SLC30A8: variants seen among roughly 807,000 people sequenced by gnomAD.
SLC30A8 encodes the protein proton-coupled zinc antiporter SLC30A8.
In SLC30A8, 27 loss-of-function variants were observed where a neutral mutation model predicts 36.9. The ratio of observed to expected loss-of-function variants is 0.73; its 90% confidence interval spans 0.54 to 1.01. SLC30A8 has a LOEUF of 1.01. SLC30A8 is among the 50% of genes least tolerant of loss of function. SLC30A8 has a pLI of 0.00. For missense variants in SLC30A8, 439 were observed against 452.0 expected (o/e 0.97, Z 0.26); for synonymous variants, 164 against 172.4 (o/e 0.95, Z 0.38).
chr8:117,016,006 C>T (rs146343656), intron 1 of SLC30A8, among the ~76,000 whole-genome samples: 16 of 152,128 alleles, frequency 1.1e-4, no homozygotes, highest in African/African-American at 3.4e-4. Context: ...CAATGGAATG[C>T]GCTTGAATAA....
intron 2 of SLC30A8, among the ~76,000 whole-genome samples, chr8:117,150,146 C>T (rs1359668108): frequency 6.6e-6 from 1 of 152,124 alleles, no homozygotes; most frequent in Non-Finnish European, 1.5e-5. Context: ...TGTTGTTGTA[C>T]TTGTTAAGTA....
At chr8:117,061,640 G>A (rs896242347) in intron 2 of SLC30A8, among the ~76,000 whole-genome samples, 23 of 152,144 alleles carry the variant, frequency 1.5e-4, no homozygotes, top group African/African-American at 5.3e-4. Flanking sequence ...GTAATGTCCA[G>A]CACAATCCTT....
At position 117,007,749 on chromosome 8, in the gene SLC30A8, A is replaced by C. The variant is rs547173262; in HGVS notation, c.-265-31470A>C. Among the ~76,000 whole-genome samples the C allele has an allele frequency of 2.6e-5, 4 of 152,356 alleles. No homozygotes were observed. In the South Asian group the frequency reaches 6.2e-4, roughly 24 times the overall value. ...GGAAACTAAGGCATAGAGAGATTAAATAACTTGTGTAAGGGCACACATTAG... is the reference window on the plus strand; with the variant it reads ...GGAAACTAAGGCATAGAGAGATTAACTAACTTGTGTAAGGGCACACATTAG... On this transcript the variant is annotated intron_variant, in intron 1 of 10. Coordinates refer to the SLC30A8 transcript ENST00000427715.
intron 1 of SLC30A8, among the ~76,000 whole-genome samples, chr8:116,979,002 C>T (rs1033857880): frequency 4.6e-5 from 7 of 150,692 alleles, no homozygotes; most frequent in East Asian, 2.0e-4. Flanking sequence ...TTTGGAAGGC[C>T]GAGGAGGGTG....
chr8:117,058,682 C>G (rs1817942347), intron 2 of SLC30A8, among the ~76,000 whole-genome samples: 1 of 152,134 alleles, frequency 6.6e-6, no homozygotes, highest in Non-Finnish European at 1.5e-5. Context: ...TTTGCATGGC[C>G]TATGAACTAA....
intron 2 of SLC30A8, among the ~76,000 whole-genome samples, chr8:117,074,861 G>GT (rs915049233): frequency 6.6e-6 from 1 of 151,854 alleles, no homozygotes; most frequent in Admixed American, 6.6e-5. Flanking sequence ...GCTTGATTCT[G>GT]TTTTTTTCTC....
In SLC30A8 at chr8:117,152,959, G is replaced by A; in HGVS notation, c.287G>A (p.Gly96Glu). 1.2e-6 allele frequency: 2 copies of A among 1,608,280 alleles called. No individual in the cohort carries two copies. The highest frequency in any genetic ancestry group is 1.7e-6 in the Non-Finnish European group (2 of 1,175,992). The stretch of plus-strand genomic sequence containing the variant: ...CATTCTCTAGGTGGGCACATTGCTG[G>A]GAGTCTTGCTGTTGTCACAGATGCT... ...IAEVVGGHIA[G>E]SLAVVTDAAH... Residue 96 changes from glycine (G) to glutamate (E), a missense_variant, in exon 3 of 8, where the codon GGG (glycine) becomes GAG (glutamate). Gly to Glu is a moderately conservative substitution (Grantham distance 98, BLOSUM62 -2). Coordinates refer to ENST00000456015, the MANE Select transcript of SLC30A8 (RefSeq NM_173851.3).
chr8:117,060,560 C>T (rs552604465), intron 2 of SLC30A8, among the ~76,000 whole-genome samples: 183 of 152,208 alleles, frequency 1.2e-3, no homozygotes, highest in Non-Finnish European at 4.3e-4. Flanking sequence ...ATTTTATTAC[C>T]TGCTAGCTTA....
At chr8:117,162,245 C>G (rs954731423) in intron 5 of SLC30A8, among the ~76,000 whole-genome samples, 1 of 152,156 alleles carries the variant, frequency 6.6e-6, no homozygotes, top group Non-Finnish European at 1.5e-5. Context: ...GTCCCAGACA[C>G]CACACTGAAA....
intron 1 of SLC30A8, among the ~76,000 whole-genome samples, chr8:116,994,586 T>G (rs746703800): frequency 3.9e-5 from 6 of 152,044 alleles, no homozygotes; most frequent in Non-Finnish European, 7.4e-5. Flanking sequence ...CAAAAACTAA[T>G]CTATGCCGAT....
At chr8:117,044,442 C>T (rs1404539220) in intron 2 of SLC30A8, among the ~76,000 whole-genome samples, 1 of 152,124 alleles carries the variant, frequency 6.6e-6, no homozygotes, top group Non-Finnish European at 1.5e-5. Flanking sequence ...TTAGACGCGC[C>T]CACCAGTCCC....
intron 3 of SLC30A8, among the ~76,000 whole-genome samples, chr8:117,154,691 G>A (rs1822383930): frequency 6.6e-6 from 1 of 152,160 alleles, no homozygotes; most frequent in Non-Finnish European, 1.5e-5. Flanking sequence ...TGGAAAACAT[G>A]GACCTGTAGC....
intron 1 of SLC30A8, among the ~76,000 whole-genome samples, chr8:117,031,110 A>T (rs1414713850): frequency 2.6e-5 from 4 of 152,234 alleles, no homozygotes; most frequent in Admixed American, 1.3e-4. Context: ...GCTGAACTAG[A>T]TAGTTTTTCC....
chr8:117,165,590 G>A (rs1823017424), intron 6 of SLC30A8, among the ~76,000 whole-genome samples: 1 of 152,162 alleles, frequency 6.6e-6, no homozygotes, highest in African/African-American at 2.4e-5. Context: ...GAATATTAAA[G>A]TATGTCAGAG....
In SLC30A8 at chr8:117,065,256, T is replaced by C. The variant is rs191929969; in HGVS notation, c.-226+25998T>C. 2.1e-3 allele frequency among the ~76,000 whole-genome samples: 313 copies of C among 152,306 alleles called. 4 individuals carry two copies. The highest frequency in any genetic ancestry group is 7.1e-3 in the African/African-American group (297 of 41,566). On this transcript the variant is annotated intron_variant, in intron 2 of 10. Transcript: ENST00000427715. ...TAAATATATGAGTATATAACTTTTC[T>C]CTATGCTTAGTGAGATTGGGTGTCT...
chr8:117,172,038 T>C (rs1324723176), intron 7 of SLC30A8, among the ~76,000 whole-genome samples: 1 of 152,144 alleles, frequency 6.6e-6, no homozygotes, highest in Non-Finnish European at 1.5e-5. Context: ...GAGGAGACTT[T>C]ACAGCCTGCT....
At chr8:116,971,359 G>T (rs997372911) in intron 1 of SLC30A8, among the ~76,000 whole-genome samples, 2 of 151,734 alleles carry the variant, frequency 1.3e-5, no homozygotes, top group Non-Finnish European at 2.9e-5. Flanking sequence ...TGGGGAAATG[G>T]TGTACGTATT....
At chr8:117,000,240 G>C (rs1187789243) in intron 1 of SLC30A8, among the ~76,000 whole-genome samples, 3 of 152,196 alleles carry the variant, frequency 2.0e-5, no homozygotes, top group African/African-American at 4.8e-5. Flanking sequence ...TGAGGTGGGT[G>C]TGGGCAGTGA....
intron 2 of SLC30A8, among the ~76,000 whole-genome samples, chr8:117,105,346 TTTTATTTA>T (rs367947838): frequency 4.6e-5 from 7 of 152,012 alleles, no homozygotes; most frequent in Admixed American, 1.3e-4. Context: ...ACTTCCATAT[TTTTATTTA>T]TTTATTTATT....
Sources: gnomAD v4.1 joint callset for allele counts (sites outside exome capture counted in the v4.1 genomes callset) on GRCh38, gnomAD v4.1.1 for gene constraint, MANE v1.5 for transcripts, NCBI Gene and HGNC (gene_info 2026-07-23, HGNC 2026-07-21) for gene names.